STARD13: variants seen among roughly 807,000 people sequenced by gnomAD.
STARD13 encodes the protein StAR related lipid transfer domain containing 13, also known as stAR-related lipid transfer protein 13.
In STARD13, 62 loss-of-function variants were observed where a neutral mutation model predicts 106.4. The ratio of observed to expected loss-of-function variants is 0.58; its 90% CI spans 0.48 to 0.72. The LOEUF is 0.72. STARD13 is among the 30% of genes least tolerant of loss of function. STARD13 has a pLI of 0.00. For synonymous variants in STARD13, 565 were observed against 553.0 expected (o/e 1.02, Z -0.31); for missense variants, 1,387 against 1,424.0 (o/e 0.97, Z 0.42).
the STARD13 span, among the ~76,000 whole-genome samples, chr13:33,484,169 G>C: frequency 6.6e-6 from 1 of 152,120 alleles, no homozygotes; most frequent in African/African-American, 2.4e-5. Flanking sequence ...TCCTGGATGT[G>C]GGCCAGCCAA....
At chr13:33,649,309 C>T in the STARD13 span, among the ~76,000 whole-genome samples, 1 of 152,170 alleles carries the variant, frequency 6.6e-6, no homozygotes, top group Non-Finnish European at 1.5e-5. Context: ...GCACTTCTCT[C>T]GACTTTTCTT....
At chr13:33,125,283 T>C (rs1377554462) in intron 7 of STARD13, among the ~76,000 whole-genome samples, 3 of 152,346 alleles carry the variant, frequency 2.0e-5, no homozygotes, top group Non-Finnish European at 2.9e-5. Context: ...TATTACAGAA[T>C]AGCTGCCTGG....
intron 1 of STARD13, among the ~76,000 whole-genome samples, chr13:33,241,941 C>T (rs1174340302): frequency 6.6e-6 from 1 of 152,224 alleles, no homozygotes; most frequent in African/African-American, 2.4e-5. Flanking sequence ...GCAGAGATTG[C>T]AGCCTCTGTC....
At chr13:33,406,827 G>A in the STARD13 span, among the ~76,000 whole-genome samples, 2 of 152,176 alleles carry the variant, frequency 1.3e-5, no homozygotes, top group Non-Finnish European at 2.9e-5. Flanking sequence ...AAGGCAGAGC[G>A]TCGCCTTGTG....
Position 33,329,680 on chromosome 13 carries a change from T to A in STARD13, c.124+20610A>T, listed in dbSNP as rs1013922819. Among the ~76,000 whole-genome samples the A allele has an allele frequency of 1.3e-4, 18 of 136,368 alleles. No homozygotes were observed. The East Asian group carries it at 3.9e-3, about 29-fold the overall frequency. The allele number at this position is 136,368 out of a possible 152,430, so 89.5% of individuals were successfully genotyped here. On this transcript the variant is annotated intron_variant, in intron 1 of 5. Coordinates refer to the STARD13 transcript ENST00000567873. ...ATGTGTGTGTGTGTGTGTGTGTGTG[T>A]GATTGTATAAAATCACTTTCTTTCT...
the STARD13 span, among the ~76,000 whole-genome samples, chr13:33,453,899 T>C: frequency 6.6e-6 from 1 of 152,160 alleles, no homozygotes; most frequent in South Asian, 2.1e-4. Flanking sequence ...AGTGAAGAGA[T>C]AAAAGGTACA....
intron 1 of STARD13, among the ~76,000 whole-genome samples, chr13:33,192,499 C>T (rs1455685511): frequency 6.6e-6 from 1 of 152,138 alleles, no homozygotes. Context: ...AAATATTCTG[C>T]TTAAAGGTAT....
At chr13:33,301,863 C>T (rs969564259) in intron 1 of STARD13, among the ~76,000 whole-genome samples, 19 of 130,734 alleles carry the variant, frequency 1.5e-4, no homozygotes, top group African/African-American at 4.5e-4. Flanking sequence ...CCACCGCGCC[C>T]GGCCTCCACC....
intron 1 of STARD13, among the ~76,000 whole-genome samples, chr13:33,269,559 A>G (rs968508137): frequency 2.6e-5 from 4 of 152,212 alleles, no homozygotes; most frequent in Non-Finnish European, 5.9e-5. Flanking sequence ...ACACAAAATC[A>G]CGGCCTTAGG....
At chr13:33,322,077 A>T (rs1566138310) in intron 1 of STARD13, among the ~76,000 whole-genome samples, 2 of 152,354 alleles carry the variant, frequency 1.3e-5, no homozygotes, top group East Asian at 3.9e-4. Flanking sequence ...ATCAATTCAC[A>T]GCTCATTAAT....
intron 1 of STARD13, among the ~76,000 whole-genome samples, chr13:33,213,964 A>G (rs367650389): frequency 3.9e-5 from 6 of 152,350 alleles, no homozygotes; most frequent in East Asian, 3.9e-4. Context: ...GTCACGTGGC[A>G]AGGCAGGCTG....
chr13:33,545,376 T>A, the STARD13 span, among the ~76,000 whole-genome samples: 10 of 152,358 alleles, frequency 6.6e-5, no homozygotes, highest in South Asian at 1.9e-3. Flanking sequence ...ATTACAGGCG[T>A]GAGCCACTGT....
chr13:33,568,163 A>G, the STARD13 span, among the ~76,000 whole-genome samples: 2 of 148,264 alleles, frequency 1.3e-5, 1 homozygote, highest in East Asian at 4.0e-4. Context: ...CTTATTCTGC[A>G]CTATAAATCC....
intron 1 of STARD13, among the ~76,000 whole-genome samples, chr13:33,238,577 A>G (rs1889311492): frequency 6.6e-6 from 1 of 152,156 alleles, no homozygotes; most frequent in Non-Finnish European, 1.5e-5. Context: ...AATTTTTGCC[A>G]TATGAAAGAA....
chr13:33,595,574 A>G, the STARD13 span, among the ~76,000 whole-genome samples: 2 of 152,218 alleles, frequency 1.3e-5, no homozygotes, highest in Non-Finnish European at 2.9e-5. Context: ...TCTTTCTAAA[A>G]ATAAAGTGAA....
chr13:33,292,757 G>A (rs1343911428), intron 1 of STARD13, among the ~76,000 whole-genome samples: 2 of 152,126 alleles, frequency 1.3e-5, no homozygotes, highest in East Asian at 1.9e-4. Flanking sequence ...TTTAGGGAAA[G>A]TAATTTCTGT....
chr13:33,626,130 A>AAC, the STARD13 span, among the ~76,000 whole-genome samples: 4 of 151,616 alleles, frequency 2.6e-5, no homozygotes, highest in South Asian at 2.1e-4. Context: ...CTACATCAGA[A>AAC]ACACACACAC....
the STARD13 span, among the ~76,000 whole-genome samples, chr13:33,489,344 A>G: frequency 6.6e-6 from 1 of 152,222 alleles, no homozygotes; most frequent in Non-Finnish European, 1.5e-5. Context: ...TCACTATAGT[A>G]AAGCCTTTTG....
At chr13:33,500,011 C>T in the STARD13 span, among the ~76,000 whole-genome samples, 5 of 152,100 alleles carry the variant, frequency 3.3e-5, no homozygotes, top group African/African-American at 9.6e-5. Flanking sequence ...ACCTTGGCCT[C>T]CCAAACTGCT....
Sources: gnomAD v4.1 joint callset for allele counts (sites outside exome capture counted in the v4.1 genomes callset) on GRCh38, gnomAD v4.1.1 for gene constraint, MANE v1.5 for transcripts, NCBI Gene and HGNC (gene_info 2026-07-23, HGNC 2026-07-21) for gene names.